RPS6KA4: variants seen among roughly 807,000 people sequenced by gnomAD.
The protein encoded by RPS6KA4 is ribosomal protein S6 kinase A4, also known as ribosomal protein S6 kinase alpha-4.
RPS6KA4 carries 38 observed loss-of-function variants against 89.6 expected under a neutral mutation model. The observed-to-expected ratio is 0.42, with a 90% CI of 0.33 to 0.56. RPS6KA4 has a LOEUF of 0.56. Among genes scored for constraint, RPS6KA4 ranks in the 20% least tolerant of loss-of-function variants. The pLI, the probability that RPS6KA4 is intolerant of heterozygous loss-of-function variation, is 0.07. For missense variants in RPS6KA4, 873 were observed against 1,098.8 expected, an observed-to-expected ratio of 0.79 and a Z score of 2.90; for synonymous variants, 495 against 492.8, an observed-to-expected ratio of 1.00 and a Z score of -0.06.
chr11:64,368,434 C>CCGCCTT lies in RPS6KA4; in HGVS notation c.1201-10_1201-5dup, dbSNP rs751418605. 3,022 of 1,544,442 alleles carry CCGCCTT rather than the reference C, an allele frequency of 2.0e-3. 5 individuals are homozygous for CCGCCTT. The highest frequency in any genetic ancestry group is 2.4e-3 in the Non-Finnish European group (2,707 of 1,145,532). ...GCTACCAGGTGGGACCTCTGACGCGCCGCCTTCGCCTTCGCCTTCGCCTTC... is the reference window on the plus strand; with the variant it reads ...GCTACCAGGTGGGACCTCTGACGCGCCGCCTTCGCCTTCGCCTTCGCCTTCGCCTTC... On this transcript the variant is annotated intron_variant, in intron 10 of 16. Transcript: ENST00000334205.
intron 9 of RPS6KA4, among the ~76,000 whole-genome samples, chr11:64,367,853 AGTGCCTTCAGCCCTTG>A (rs1257305878): frequency 6.6e-6 from 1 of 152,164 alleles, no homozygotes; most frequent in Non-Finnish European, 1.5e-5. Flanking sequence ...TGGTCCTTTC[AGTGCCTTCAGCCCTTG>A]GCACCTGGGG....
Position 64,370,439 on chromosome 11 carries a change from A to G in RPS6KA4, c.1957+55A>G. ...TGGGGAGGGGGACGCTGGGACAGGG[A>G]TGGTCACTGGGCCAGGTGTCCTGGT... On this transcript the variant is annotated intron_variant, in intron 15 of 16. Transcript: ENST00000334205. The surrounding 1 kb of genome is among the most constrained non-coding windows in gnomAD (Gnocchi z 4.1). 1 of 1,606,850 alleles carries G rather than the reference A, an allele frequency of 6.2e-7. No homozygotes were observed.
chr11:64,361,816 G>C lies in RPS6KA4; in HGVS notation c.756-36G>C. On this transcript the variant is annotated intron_variant, in intron 7 of 16. Transcript: ENST00000334205. This position sits in a 1 kb window ranked among gnomAD's most constrained non-coding sequence, Gnocchi z 4.7. The stretch of plus-strand genomic sequence containing the variant: ...TGCCTGGGCAGGGCTGTGGGTGGGG[G>C]GCTTGCTGCCCCTGACACCCCCCCA... 6.3e-7 allele frequency: 1 copy of C among 1,586,122 alleles called. No individual in the cohort carries two copies. The highest frequency in any genetic ancestry group is 2.2e-5 in the East Asian group (1 of 44,650).
intron 8 of RPS6KA4, among the ~76,000 whole-genome samples, chr11:64,363,099 C>T (rs2036796965): frequency 6.6e-6 from 1 of 152,232 alleles, no homozygotes; most frequent in African/African-American, 2.4e-5. Context: ...AATGCCTGTG[C>T]TTAATGGTCT....
At chr11:64,366,718 T>C (rs968710500) in intron 9 of RPS6KA4, among the ~76,000 whole-genome samples, 2 of 152,240 alleles carry the variant, frequency 1.3e-5, no homozygotes, top group African/African-American at 4.8e-5. Context: ...GGCAAGCTTC[T>C]ACCCCTCTTT....
Position 64,369,549 on chromosome 11 carries a change from G to A in RPS6KA4, c.1532G>A (p.Arg511His). 6.2e-7 allele frequency: 1 copy of A among 1,608,014 alleles called. No individual in the cohort carries two copies. Among genetic ancestry groups the A allele is most frequent in the Non-Finnish European group, 8.5e-7 (1 of 1,177,836 alleles). ...FSESEASQILRSLVSAVSFMH... is the reference protein window; with the variant it reads ...FSESEASQILHSLVSAVSFMH... ...GAGTCGGAAGCAAGCCAGATCCTGC[G>A]CAGCCTCGTGTCGGCCGTGAGCTTC... Residue 511 changes from arginine to histidine, a missense_variant, in exon 13 of 17, where the codon CGC becomes CAC. By Grantham distance (29) the Arg-to-His change is conservative. Coordinates refer to ENST00000334205, the MANE Select transcript of RPS6KA4 (RefSeq NM_003942.3).
chr11:64,369,327 T>G, intron 12 of RPS6KA4, 119 bp from the exon 13 acceptor site: 17 of 946,014 alleles, frequency 1.8e-5, no homozygotes, highest in Non-Finnish European at 2.5e-5. Context: ...AAAAAGGACT[T>G]TGAGGAGGGG....
In RPS6KA4 at chr11:64,370,125, G is replaced by A. The variant is rs1040486461; in HGVS notation, c.1798-100G>A. The stretch of plus-strand genomic sequence containing the variant: ...AGGGTTCACCACGCGTGGGTCTCAG[G>A]AGTGCCCCTAGTGGGGAGGGTGAGT... On this transcript the variant is annotated intron_variant, in intron 14 of 16. Transcript: ENST00000334205. This position sits in a 1 kb window ranked among gnomAD's most constrained non-coding sequence, Gnocchi z 4.1. 3.7e-6 allele frequency: 5 copies of A among 1,366,478 alleles called. No homozygotes were observed. In the African/African-American group the frequency reaches 7.3e-5, roughly 20 times the overall value. The allele number at this position is 1,366,478 out of a possible 1,614,324, so 84.6% of individuals were successfully genotyped here. A position where few individuals can be genotyped will look rare whatever the true frequency, so the allele number is the denominator to read the frequency against.
Position 64,368,579 on chromosome 11 carries a change from G to C in RPS6KA4, c.1312G>C (p.Ala438Pro). Residue 438 changes from alanine to proline, a missense_variant, in exon 11 of 17, where the codon GCA becomes CCA. Around this residue, in one of 4 missense-constraint regions of RPS6KA4, gnomAD observed 542 missense variants for 736.4 expected, o/e 0.74. Transcript: ENST00000334205. Reference sequence around the variant, plus strand: ...CCAGCGCCAGAGCGGCCAGGAGTTCGCAGTCAAGATCCTCAGTCGCAGGTG... The same window carrying C: ...CCAGCGCCAGAGCGGCCAGGAGTTCCCAGTCAAGATCCTCAGTCGCAGGTG... ...CRQRQSGQEF[A>P]VKILSRRLEA... The C allele has an allele frequency of 1.2e-6, 2 of 1,600,582 alleles. No homozygotes were observed. The highest frequency in any genetic ancestry group is 4.5e-5 in the East Asian group (2 of 44,430).
At position 64,370,249 on chromosome 11, in the gene RPS6KA4, C is replaced by G; in HGVS notation, c.1822C>G (p.Pro608Ala). ...GTACATGATGCTGTCGGGGCAGGTC[C>G]CCTTCCAGGGGGCCTCTGGCCAGGG... Reference protein sequence around the residue: ...ILYMMLSGQVPFQGASGQGGQ... With the variant: ...ILYMMLSGQVAFQGASGQGGQ... Residue 608 changes from proline (P) to alanine (A), a missense_variant, in exon 15 of 17, where the codon CCC (proline) becomes GCC (alanine). Pro to Ala is a conservative substitution (Grantham distance 27, BLOSUM62 -1). Transcript: ENST00000334205. The surrounding 1 kb of genome is among the most constrained non-coding windows in gnomAD (Gnocchi z 4.1). 1 of 1,571,634 alleles carries G rather than the reference C, an allele frequency of 6.4e-7. No homozygotes were observed. The highest frequency in any genetic ancestry group is 2.3e-5 in the East Asian group (1 of 44,382).
chr11:64,370,507 T>A lies in RPS6KA4; in HGVS notation c.1958-56T>A, dbSNP rs1233794875. On this transcript the variant is annotated intron_variant, in intron 15 of 16. Transcript: ENST00000334205. The surrounding 1 kb of genome is among the most constrained non-coding windows in gnomAD (Gnocchi z 4.1). ...GGAGAGTGGGGCTGTTACGATCTCT[T>A]TGGGGCTCAGCCTTTACGCCAGGCT... 6 of 1,596,500 alleles carry A rather than the reference T, an allele frequency of 3.8e-6. No homozygotes were observed. The highest frequency in any genetic ancestry group is 4.3e-6 in the Non-Finnish European group (5 of 1,172,112).
At chr11:64,369,355 G>A in intron 12 of RPS6KA4, 91 bp from the exon 13 acceptor site, 1 of 1,357,242 alleles carries the variant, frequency 7.4e-7, no homozygotes, top group Admixed American at 2.8e-5. Context: ...AACATTGGCA[G>A]GGCCCGAAGG....
intron 9 of RPS6KA4, among the ~76,000 whole-genome samples, chr11:64,365,763 G>T (rs1445841255): frequency 1.3e-5 from 2 of 152,204 alleles, no homozygotes; most frequent in East Asian, 3.8e-4. Flanking sequence ...TTGCGGCTGG[G>T]TGTGGTGGCT....
rs2036717520 is a variant in RPS6KA4, at chr11:64,360,564, T to G, written c.434T>G (p.Ile145Ser). 1 of 1,610,946 alleles carries G rather than the reference T, an allele frequency of 6.2e-7. No homozygotes were observed. The highest frequency in any genetic ancestry group is 1.7e-5 in the Admixed American group (1 of 59,664). ...GAGGTGCGCGTGTATGGGGGTGAGA[T>G]CGTGCTGGCCCTGGAACACCTGCAC... Reference protein sequence around the residue: ...EAEVRVYGGEIVLALEHLHKL... With the variant: ...EAEVRVYGGESVLALEHLHKL... The change falls in exon 4 of 17, where the codon ATC becomes AGC. Residue 145 changes from isoleucine (I) to serine (S), a missense_variant. This residue lies in a region of RPS6KA4 where 542 missense variants were observed against 736.4 expected (regional missense o/e 0.74). Coordinates refer to ENST00000334205, the MANE Select transcript of RPS6KA4 (RefSeq NM_003942.3).
At chr11:64,363,631 A>G (rs1430647320) in intron 8 of RPS6KA4, among the ~76,000 whole-genome samples, 1 of 151,996 alleles carries the variant, frequency 6.6e-6, no homozygotes, top group African/African-American at 2.4e-5. Flanking sequence ...AGCTGGGATT[A>G]CAGGTGCGCA....
At chr11:64,368,282 TG>T (rs758358825) in intron 10 of RPS6KA4, 22 bp downstream of exon 10, 1 of 1,611,014 alleles carries the variant, frequency 6.2e-7, no homozygotes, top group South Asian at 1.1e-5. Context: ...TGGGCTGGGT[TG>T]GGGGGAAATT....
chr11:64,363,737 G>C (rs1402750025), intron 8 of RPS6KA4, among the ~76,000 whole-genome samples: 1 of 151,998 alleles, frequency 6.6e-6, no homozygotes, highest in Non-Finnish European at 1.5e-5. Flanking sequence ...TGATCTGCCC[G>C]CCTTAGCCTC....
In RPS6KA4 at chr11:64,370,876, C is replaced by T. The variant is rs1394748676; in HGVS notation, c.2121+150C>T. 7 of 1,014,256 alleles carry T rather than the reference C, an allele frequency of 6.9e-6. No homozygotes were observed. The highest frequency in any genetic ancestry group is 9.7e-6 in the Non-Finnish European group (7 of 720,834). The allele number at this position is 1,014,256 out of a possible 1,614,324, so 62.8% of individuals were successfully genotyped here. On this transcript the variant is annotated intron_variant, in intron 16 of 16. Coordinates refer to ENST00000334205, the MANE Select transcript of RPS6KA4 (RefSeq NM_003942.3). The surrounding 1 kb of genome is among the most constrained non-coding windows in gnomAD (Gnocchi z 4.1). ...ATCCCAGCGCTTTGGGAGGCCGAGG[C>T]GGGCGGATCACGAGGTCAGGGGTTC...
At position 64,368,723 on chromosome 11, in the gene RPS6KA4, C is replaced by T. The variant is rs1170953272; in HGVS notation, c.1354C>T (p.Arg452Cys). The T allele has an allele frequency of 6.3e-7, 1 of 1,576,972 alleles. No homozygotes were observed. ...CCCCAGGCTGGAGGCGAACACGCAG[C>T]GCGAAGTGGCTGCCCTGCGCCTGTG... Reference protein sequence around the residue: ...LSRRLEANTQREVAALRLCQS... With the variant: ...LSRRLEANTQCEVAALRLCQS... Residue 452 changes from arginine (R) to cysteine (C), a missense_variant, in exon 12 of 17, where the codon CGC becomes TGC. By Grantham distance (180) the Arg-to-Cys change is radical (BLOSUM62 -3). Transcript: ENST00000334205.
Sources: gnomAD v4.1 joint callset for allele counts (sites outside exome capture counted in the v4.1 genomes callset) on GRCh38, gnomAD v4.1.1 for gene constraint, gnomAD v4.1.1 regional missense constraint, Gnocchi (gnomAD v3.1) non-coding constraint, MANE v1.5 for transcripts, NCBI Gene and HGNC (gene_info 2026-07-23, HGNC 2026-07-21) for gene names.